Variants in NFAT5 observed in about 807,000 individuals in gnomAD.
NFAT5 encodes the protein nuclear factor of activated T cells 5, also known as nuclear factor of activated T-cells 5.
In NFAT5, 31 loss-of-function variants were observed where a neutral mutation model predicts 166.5. That is an observed-to-expected ratio of 0.19 (90% CI 0.14 to 0.25). The LOEUF is 0.25. NFAT5 is among the 10% of genes least tolerant of loss of function. The pLI is 1.00. For missense variants in NFAT5, 1,449 were observed against 1,821.8 expected (o/e 0.80, Z 3.72); for synonymous variants, 612 against 639.7 (o/e 0.96, Z 0.65).
At chr16:69,690,825 A>G in intron 11 of NFAT5, 115 bp from the exon 12 acceptor site, 1 of 837,676 alleles carries the variant, frequency 1.2e-6, no homozygotes, top group Non-Finnish European at 1.8e-6. Context: ...TCATGCTACC[A>G]TTGTAGCATC....
intron 11 of NFAT5, among the ~76,000 whole-genome samples, chr16:69,689,915 T>C (rs1212949493): frequency 6.6e-6 from 1 of 152,214 alleles, no homozygotes; most frequent in Non-Finnish European, 1.5e-5. Flanking sequence ...ATAGACCATG[T>C]GCCATTTTAA....
At chr16:69,678,396 G>A (rs2036920626) in intron 10 of NFAT5, among the ~76,000 whole-genome samples, 1 of 151,792 alleles carries the variant, frequency 6.6e-6, no homozygotes, top group Admixed American at 6.6e-5. Flanking sequence ...TGTTTTTTCA[G>A]TAGAGACGAG....
At chr16:69,683,843 A>G (rs910134298) in intron 10 of NFAT5, among the ~76,000 whole-genome samples, 1 of 152,120 alleles carries the variant, frequency 6.6e-6, no homozygotes, top group Non-Finnish European at 1.5e-5. Context: ...TCACGCCTAT[A>G]ATCCCAGCAC....
Position 69,566,941 on chromosome 16 carries a change from G to GC in NFAT5, c.73+573dup, listed in dbSNP as rs1428994754. On this transcript the variant is annotated intron_variant, in intron 1 of 14. Transcript: ENST00000349945. This position sits in a 1 kb window ranked among gnomAD's most constrained non-coding sequence, Gnocchi z 5.7. ...TCCACTCCCTCCCCATGTTGGGACA[G>GC]CCCCCCTCGACCAGGCGTTCTTCCT... Among the ~76,000 whole-genome samples, 2 of 152,048 alleles carry GC rather than the reference G, an allele frequency of 1.3e-5. No homozygotes were observed. The highest frequency in any genetic ancestry group is 2.9e-5 in the Non-Finnish European group (2 of 68,004).
chr16:69,686,367 A>G (rs1226688101), intron 11 of NFAT5, among the ~76,000 whole-genome samples: 1 of 151,848 alleles, frequency 6.6e-6, no homozygotes. Flanking sequence ...AAAAAAAATT[A>G]AAAACATTAA....
intron 11 of NFAT5, among the ~76,000 whole-genome samples, chr16:69,689,045 G>A (rs748866838): frequency 3.9e-5 from 6 of 152,198 alleles, no homozygotes; most frequent in Non-Finnish European, 5.9e-5. Flanking sequence ...CAGCCTAGTA[G>A]GGAGGATCAC....
chr16:69,568,118 G>T (rs1171684301), intron 1 of NFAT5, among the ~76,000 whole-genome samples: 1 of 152,088 alleles, frequency 6.6e-6, no homozygotes, highest in Non-Finnish European at 1.5e-5. Flanking sequence ...TTTGAGACCA[G>T]CCTGACCAAT....
rs533216375 is a variant in NFAT5 at position 69,677,135 on chromosome 16, A to G, written c.1558-68A>G. The stretch of plus-strand genomic sequence containing the variant: ...AAACTTTACAGCTAACAGGAAATAT[A>G]CTTCATTTAAAATTTTTAAATTTAA... On this transcript the variant is annotated intron_variant, in intron 9 of 14. Transcript: ENST00000349945. 9.8e-6 allele frequency: 14 copies of G among 1,424,676 alleles called. No individual in the cohort carries two copies. The African/African-American group carries it at 1.9e-4, about 19-fold the overall frequency. 88.3% of individuals were successfully genotyped at this position (1,424,676 alleles called of 1,614,324 possible). A position where few individuals can be genotyped will look rare whatever the true frequency, so the allele number is the denominator to read the frequency against.
At chr16:69,653,538 G>T (rs2035759030) in intron 5 of NFAT5, 110 bp downstream of exon 5, 2 of 651,508 alleles carry the variant, frequency 3.1e-6, no homozygotes, top group Non-Finnish European at 4.7e-6. Context: ...CCTCATATTT[G>T]ATATTTGAAT....
At chr16:69,688,281 C>T (rs1013277996) in intron 11 of NFAT5, among the ~76,000 whole-genome samples, 1 of 150,182 alleles carries the variant, frequency 6.7e-6, no homozygotes, top group African/African-American at 2.5e-5. Flanking sequence ...GAGTGAGACC[C>T]TGTCTCTAAT....
intron 7 of NFAT5, among the ~76,000 whole-genome samples, chr16:69,663,395 T>C (rs1469115513): frequency 1.3e-5 from 2 of 152,050 alleles, no homozygotes; most frequent in Non-Finnish European, 2.9e-5. Context: ...TTTTTTGTTT[T>C]GGTATGTATG....
chr16:69,674,789 A>G (rs2036766625), intron 9 of NFAT5, among the ~76,000 whole-genome samples: 1 of 152,232 alleles, frequency 6.6e-6, no homozygotes, highest in African/African-American at 2.4e-5. Flanking sequence ...AGTGAAAGAT[A>G]TCTAGCACCA....
At chr16:69,645,056 T>A (rs561860249) in intron 3 of NFAT5, among the ~76,000 whole-genome samples, 9 of 152,252 alleles carry the variant, frequency 5.9e-5, no homozygotes, top group Non-Finnish European at 1.3e-4. Flanking sequence ...GAATGTTAGA[T>A]GTAATACCTT....
intron 2 of NFAT5, among the ~76,000 whole-genome samples, chr16:69,596,783 T>C (rs984680426): frequency 6.6e-6 from 1 of 151,916 alleles, no homozygotes; most frequent in African/African-American, 2.4e-5. Flanking sequence ...GCAACCAAGA[T>C]AATTTATTTA....
chr16:69,620,612 A>T (rs1334531167), intron 2 of NFAT5, among the ~76,000 whole-genome samples: 1 of 152,170 alleles, frequency 6.6e-6, no homozygotes, highest in Non-Finnish European at 1.5e-5. Flanking sequence ...GAGAAAAAAT[A>T]AATAAAAAGA....
intron 2 of NFAT5, among the ~76,000 whole-genome samples, chr16:69,624,564 C>T (rs1039196834): frequency 6.6e-6 from 1 of 152,152 alleles, no homozygotes; most frequent in Non-Finnish European, 1.5e-5. Flanking sequence ...GAATGAAGAT[C>T]GTTTAAGAGT....
chr16:69,582,226 C>G (rs1339023098), intron 2 of NFAT5, among the ~76,000 whole-genome samples: 2 of 152,130 alleles, frequency 1.3e-5, no homozygotes, highest in African/African-American at 4.8e-5. Context: ...GATTGTGCAT[C>G]TGTACTCCAG....
rs758624432 is a variant in NFAT5, at chr16:69,694,068, C to T, written c.4243C>T (p.Pro1415Ser). 5 of 1,614,184 alleles carry T rather than the reference C, an allele frequency of 3.1e-6. No individual in the cohort carries two copies. The highest frequency in any genetic ancestry group is 4.2e-6 in the Non-Finnish European group (5 of 1,180,036). ...AAATCAACAAGATATGCAACAGTCT[C>T]CTCTTTATTCCCCTCAGAACAACAT... ...SINQQDMQQS[P>S]LYSPQNNMPG... Residue 1415 changes from proline to serine, a missense_variant, in exon 13 of 15, where the codon CCT (proline) becomes TCT (serine). Transcript: ENST00000349945.
intron 2 of NFAT5, among the ~76,000 whole-genome samples, chr16:69,613,004 A>G (rs79914548): frequency 0.043 from 6,606 of 152,238 alleles, 491 homozygotes; most frequent in African/African-American, 0.15. Flanking sequence ...TAGGCATCCA[A>G]ATTCATCATT....
Sources: allele counts gnomAD v4.1 joint callset (sites outside exome capture counted in the v4.1 genomes callset), GRCh38; gene constraint gnomAD v4.1.1; non-coding constraint Gnocchi (gnomAD v3.1); transcripts MANE v1.5; gene names NCBI Gene and HGNC (gene_info 2026-07-23, HGNC 2026-07-21).